CHD9: variants seen among roughly 807,000 people sequenced by gnomAD.
CHD9 encodes the protein chromodomain helicase DNA binding protein 9, also known as ATP-dependent chromatin remodeler CHD9.
In CHD9, 77 loss-of-function variants were observed where a neutral mutation model predicts 316.1. That is an observed-to-expected ratio of 0.24 (90% CI 0.20 to 0.29). The LOEUF (loss-of-function observed/expected upper bound fraction) is 0.29, where lower values mean the gene tolerates loss of function less well. CHD9 is among the 10% of genes least tolerant of loss of function. CHD9 has a pLI of 1.00. For missense variants in CHD9, 2,763 were observed against 3,438.1 expected, an observed-to-expected ratio of 0.80 and a Z score of 4.91; for synonymous variants, 1,129 against 1,158.3, an observed-to-expected ratio of 0.97 and a Z score of 0.51.
chr16:53,163,798 A>G (rs1368476635), intron 2 of CHD9, among the ~76,000 whole-genome samples: 2 of 152,230 alleles, frequency 1.3e-5, no homozygotes, highest in Admixed American at 1.3e-4. Flanking sequence ...TAATAATTGA[A>G]TTTAAAGTAG....
intron 22 of CHD9, among the ~76,000 whole-genome samples, chr16:53,268,370 C>A (rs1031036781): frequency 6.6e-6 from 1 of 152,020 alleles, no homozygotes; most frequent in African/African-American, 2.4e-5. Context: ...GAGGTCTTTC[C>A]GTCTATGCTC....
At chr16:53,161,715 A>G (rs191724079) in intron 2 of CHD9, among the ~76,000 whole-genome samples, 1 of 152,308 alleles carries the variant, frequency 6.6e-6, no homozygotes, top group African/African-American at 2.4e-5. Context: ...TTTAGTGAGA[A>G]TGTTGAATAT....
chr16:53,229,972 GT>G (rs1363118815), intron 8 of CHD9, among the ~76,000 whole-genome samples: 1 of 152,154 alleles, frequency 6.6e-6, no homozygotes, highest in African/African-American at 2.4e-5. Context: ...GTGTGTGTGT[GT>G]TTATTTTTAT....
intron 1 of CHD9, among the ~76,000 whole-genome samples, chr16:53,099,916 G>A (rs945307804): frequency 3.3e-5 from 5 of 152,250 alleles, no homozygotes; most frequent in Non-Finnish European, 7.3e-5. Flanking sequence ...AAAGTTAGGA[G>A]GCTGGTGGCT....
chr16:53,314,816 T>C lies in CHD9; in HGVS notation c.7363-7T>C. ...AAATAAAGATACCATTTGGTGTTTT[T>C]TTACAGGTTTCTTTAGGCTTAACCT... On this transcript the variant is annotated splice_polypyrimidine_tract_variant and splice_region_variant and intron_variant, in intron 35 of 38. Coordinates refer to ENST00000447540, the MANE Select transcript of CHD9 (RefSeq NM_001308319.2). 1 of 1,583,560 alleles carries C rather than the reference T, an allele frequency of 6.3e-7. No homozygotes were observed. Among genetic ancestry groups the C allele is most frequent in the Non-Finnish European group, 8.6e-7 (1 of 1,161,212 alleles).
intron 1 of CHD9, among the ~76,000 whole-genome samples, chr16:53,117,707 C>T (rs2038424909): frequency 6.6e-6 from 1 of 152,142 alleles, no homozygotes; most frequent in Admixed American, 6.6e-5. Flanking sequence ...TAAGCCATTG[C>T]ACCCGGCCTG....
At chr16:53,098,492 AG>A (rs201640375) in intron 1 of CHD9, among the ~76,000 whole-genome samples, 48 of 145,566 alleles carry the variant, frequency 3.3e-4, no homozygotes, top group South Asian at 4.4e-4. Context: ...AAAAAAAAAA[AG>A]AAAGAAAGAA....
chr16:53,055,938 G>A (rs2032053705), intron 1 of CHD9, among the ~76,000 whole-genome samples: 1 of 152,174 alleles, frequency 6.6e-6, no homozygotes, highest in Admixed American at 6.5e-5. Flanking sequence ...CAGGAGACTG[G>A]CTGGAGCTGT....
At chr16:53,278,429 A>G (rs2053077631) in intron 24 of CHD9, among the ~76,000 whole-genome samples, 1 of 152,218 alleles carries the variant, frequency 6.6e-6, no homozygotes, top group Non-Finnish European at 1.5e-5. Context: ...CCAATGGAAC[A>G]GAATAGAGAA....
chr16:53,265,840 G>A (rs1199462011), intron 20 of CHD9, among the ~76,000 whole-genome samples: 2 of 138,974 alleles, frequency 1.4e-5, no homozygotes, highest in Non-Finnish European at 3.2e-5. Flanking sequence ...GACACTATTT[G>A]TAGCAGACAT....
At chr16:53,247,008 T>C (rs1264617790) in intron 15 of CHD9, among the ~76,000 whole-genome samples, 1 of 152,226 alleles carries the variant, frequency 6.6e-6, no homozygotes, top group Non-Finnish European at 1.5e-5. Flanking sequence ...CCTAATAACA[T>C]TCATTAAACA....
At chr16:53,203,160 T>C (rs1172971900) in intron 2 of CHD9, among the ~76,000 whole-genome samples, 5 of 152,194 alleles carry the variant, frequency 3.3e-5, no homozygotes, top group African/African-American at 1.2e-4. Flanking sequence ...TTTAAGTAAA[T>C]AATTATTATG....
At chr16:53,063,722 G>A (rs2033202899) in intron 1 of CHD9, among the ~76,000 whole-genome samples, 2 of 151,606 alleles carry the variant, frequency 1.3e-5, no homozygotes, top group African/African-American at 4.8e-5. Context: ...TAGTAGAGAT[G>A]GGGTTTCACC....
intron 1 of CHD9, among the ~76,000 whole-genome samples, chr16:53,125,206 G>T (rs2038917664): frequency 6.8e-6 from 1 of 146,302 alleles, no homozygotes; most frequent in Admixed American, 7.0e-5. Context: ...CCTTATCATG[G>T]TTCAAGTTAG....
intron 2 of CHD9, among the ~76,000 whole-genome samples, chr16:53,190,958 T>A (rs1436150234): frequency 1.3e-5 from 2 of 152,098 alleles, no homozygotes; most frequent in Non-Finnish European, 2.9e-5. Flanking sequence ...GAGGCATAAT[T>A]TACATACAAT....
At chr16:53,171,657 T>C (rs1215735577) in intron 2 of CHD9, among the ~76,000 whole-genome samples, 1 of 151,946 alleles carries the variant, frequency 6.6e-6, no homozygotes, top group Non-Finnish European at 1.5e-5. Context: ...GAGACCAGCC[T>C]GAGCAAAATG....
Position 53,231,481 on chromosome 16 carries a change from T to C in CHD9, c.2349T>C (p.Phe783=). Residue 783 remains phenylalanine, a synonymous_variant, in exon 9 of 39, where the codon TTT becomes TTC. Coordinates refer to ENST00000447540, the MANE Select transcript of CHD9 (RefSeq NM_001308319.2). The part of the protein sequence containing the change: ...VEVDRVLEVS[F]CEDKDTGEPV... ...TAGACAGAGTATTAGAAGTCTCTTT[T>C]TGTGAAGATAAGGATACTGGTGAGG... 1 of 1,597,490 alleles carries C rather than the reference T, an allele frequency of 6.3e-7. No homozygotes were observed. The highest frequency in any genetic ancestry group is 8.6e-7 in the Non-Finnish European group (1 of 1,167,204).
At chr16:53,146,980 CA>C (rs1232020012) in intron 1 of CHD9, among the ~76,000 whole-genome samples, 1 of 151,776 alleles carries the variant, frequency 6.6e-6, no homozygotes, top group Non-Finnish European at 1.5e-5. Flanking sequence ...TCTCCCCCAC[CA>C]AAAAAGTTTG....
At position 53,156,656 on chromosome 16, in the gene CHD9, GCAGAATTCTCTTAGC is replaced by G; in HGVS notation, c.571_585del (p.Asn191_Gln195del). ...AAAACAGAAATAATCTCAACCCAGG[GCAGAATTCTCTTAGC>G]CAGTCTAAAAATTTTATGAATGTTT... is the stretch of plus-strand genomic sequence containing the variant. On this transcript the variant is annotated inframe_deletion, in exon 2 of 39. Transcript: ENST00000447540. 6.2e-7 allele frequency: 1 copy of G among 1,613,832 alleles called. No homozygotes were observed. Among genetic ancestry groups the G allele is most frequent in the Non-Finnish European group, 8.5e-7 (1 of 1,179,852 alleles).
Sources: gnomAD v4.1 joint callset for allele counts (sites outside exome capture counted in the v4.1 genomes callset) on GRCh38, gnomAD v4.1.1 for gene constraint, MANE v1.5 for transcripts, NCBI Gene and HGNC (gene_info 2026-07-23, HGNC 2026-07-21) for gene names.